Variants in ANKRD55 observed in about 807,000 individuals in gnomAD.
The protein encoded by ANKRD55 is ankyrin repeat domain-containing protein 55.
In ANKRD55, 41 loss-of-function variants were observed where a neutral mutation model predicts 60.6. The observed-to-expected ratio is 0.68, with a 90% confidence interval of 0.53 to 0.88. The LOEUF (loss-of-function observed/expected upper bound fraction) is 0.88, where lower values mean the gene tolerates loss of function less well. ANKRD55 is among the 40% of genes least tolerant of loss of function. The pLI, the probability that ANKRD55 is intolerant of heterozygous loss-of-function variation, is 0.00. For missense variants in ANKRD55, 732 were observed against 767.6 expected, an observed-to-expected ratio of 0.95 and a Z score of 0.55; for synonymous variants, 264 against 290.3, an observed-to-expected ratio of 0.91 and a Z score of 0.92.
intron 7 of ANKRD55, among the ~76,000 whole-genome samples, chr5:56,141,387 C>T (rs1757762218): frequency 6.6e-6 from 1 of 152,038 alleles, no homozygotes; most frequent in African/African-American, 2.4e-5. Context: ...TAGGCACATG[C>T]CATTATGCCC....
At chr5:56,135,293 T>TTCTTTCTTTC (rs1561263978) in intron 7 of ANKRD55, among the ~76,000 whole-genome samples, 1 of 74,144 alleles carries the variant, frequency 1.3e-5, no homozygotes, top group African/African-American at 4.4e-5. Context: ...CCTGCCTGCT[T>TTCTTTCTTTC]GCTTTCTTTC....
Position 56,221,925 on chromosome 5 carries a change from C to T in ANKRD55, c.58+10931G>A, listed in dbSNP as rs550979855. Among the ~76,000 whole-genome samples the T allele has an allele frequency of 2.0e-5, 3 of 152,348 alleles. 1 individual carries two copies. In the South Asian group the frequency reaches 6.2e-4, roughly 32 times the overall value. On this transcript the variant is annotated intron_variant, in intron 2 of 11. Transcript: ENST00000341048. ...GTAGACTCCACCTCTGGGGGCAGGG[C>T]ATAGCTGAACAAAAGGCAGCAGAAA...
chr5:56,142,289 G>A (rs1357687870), intron 7 of ANKRD55, among the ~76,000 whole-genome samples: 1 of 152,056 alleles, frequency 6.6e-6, no homozygotes, highest in African/African-American at 2.4e-5. Context: ...AGCTGAGATC[G>A]CACCACTGCA....
chr5:56,203,965 G>A (rs1252968334), intron 2 of ANKRD55, among the ~76,000 whole-genome samples: 1 of 152,030 alleles, frequency 6.6e-6, no homozygotes, highest in Non-Finnish European at 1.5e-5. Flanking sequence ...GTGTAAAAGT[G>A]TTCCTATTTC....
At chr5:56,181,265 C>T (rs993082814) in intron 3 of ANKRD55, among the ~76,000 whole-genome samples, 1 of 152,190 alleles carries the variant, frequency 6.6e-6, no homozygotes, top group African/African-American at 2.4e-5. Context: ...TGAGAGTGGA[C>T]ATTCACACCT....
Position 56,111,421 on chromosome 5 carries a change from C to T in ANKRD55, c.1327G>A (p.Gly443Ser), listed in dbSNP as rs1561251276. 9 of 1,613,994 alleles carry T rather than the reference C, an allele frequency of 5.6e-6. No homozygotes were observed. Among genetic ancestry groups the T allele is most frequent in the South Asian group, 1.1e-5 (1 of 91,084 alleles). ...TGGGAGGCTGTTAGGAAGTTATTGC[C>T]CAGGGTGATGGGTGGGAGACTCTGC... ...RTQSLPPITL[G>S]NNFLTASHRA... is the part of the protein sequence containing the mutation. The change falls in exon 10 of 12, where the codon GGC becomes AGC. Residue 443 changes from glycine (G) to serine (S), a missense_variant. By Grantham distance (56) the Gly-to-Ser change is moderately conservative. Coordinates refer to ENST00000341048, the MANE Select transcript of ANKRD55 (RefSeq NM_024669.3).
intron 2 of ANKRD55, among the ~76,000 whole-genome samples, chr5:56,200,649 G>A (rs371760100): frequency 6.6e-6 from 1 of 152,240 alleles, no homozygotes; most frequent in Non-Finnish European, 1.5e-5. Context: ...TGACTGCATC[G>A]GTTACTGGGC....
chr5:56,155,210 G>A (rs1019608931), intron 6 of ANKRD55, among the ~76,000 whole-genome samples: 4 of 130,338 alleles, frequency 3.1e-5, no homozygotes, highest in African/African-American at 1.2e-4. Context: ...GTGACAGAGT[G>A]AGACTGTCTT....
At chr5:56,134,829 A>G (rs115250592) in intron 7 of ANKRD55, among the ~76,000 whole-genome samples, 2,144 of 152,306 alleles carry the variant, frequency 0.014, 43 homozygotes, top group Admixed American at 0.041. Flanking sequence ...ACTTTCATAA[A>G]GATAGATGTA....
At chr5:56,145,241 A>G (rs532747518) in intron 6 of ANKRD55, among the ~76,000 whole-genome samples, 9 of 152,316 alleles carry the variant, frequency 5.9e-5, no homozygotes, top group African/African-American at 2.4e-5. Context: ...CTCTTCCCCT[A>G]GGGCACACAG....
chr5:56,186,681 A>G (rs986279021), intron 2 of ANKRD55, among the ~76,000 whole-genome samples: 2 of 152,232 alleles, frequency 1.3e-5, no homozygotes, highest in African/African-American at 4.8e-5. Context: ...ACATGTAGAG[A>G]AAATAGTCTC....
intron 5 of ANKRD55, among the ~76,000 whole-genome samples, chr5:56,167,542 T>G (rs1031947080): frequency 6.6e-6 from 1 of 152,214 alleles, no homozygotes; most frequent in African/African-American, 2.4e-5. Flanking sequence ...ACAATTTTGG[T>G]TTTGGAATAG....
At chr5:56,151,688 C>G (rs1758049865) in intron 6 of ANKRD55, among the ~76,000 whole-genome samples, 1 of 151,846 alleles carries the variant, frequency 6.6e-6, no homozygotes. Context: ...TGGCAGGCAC[C>G]TGTAATCCCA....
intron 2 of ANKRD55, among the ~76,000 whole-genome samples, chr5:56,216,631 A>G (rs1759818277): frequency 6.6e-6 from 1 of 152,242 alleles, no homozygotes; most frequent in Non-Finnish European, 1.5e-5. Flanking sequence ...GCTTTATTGC[A>G]GATATGGAGA....
At chr5:56,117,372 A>C (rs1756913604) in intron 8 of ANKRD55, among the ~76,000 whole-genome samples, 1 of 152,150 alleles carries the variant, frequency 6.6e-6, no homozygotes, top group African/African-American at 2.4e-5. Flanking sequence ...TGTGCTCTTT[A>C]TATTAAAGGC....
chr5:56,221,657 CT>C, intron 2 of ANKRD55, among the ~76,000 whole-genome samples: 1 of 152,250 alleles, frequency 6.6e-6, no homozygotes, highest in South Asian at 2.1e-4. Flanking sequence ...TAATACTGTG[CT>C]TTTCCAACCA....
At chr5:56,168,596 A>G (rs1194252540) in intron 5 of ANKRD55, among the ~76,000 whole-genome samples, 1 of 152,190 alleles carries the variant, frequency 6.6e-6, no homozygotes, top group African/African-American at 2.4e-5. Flanking sequence ...ATAGGTATGT[A>G]TGTAGAGGAA....
At chr5:56,139,296 G>A (rs983420652) in intron 7 of ANKRD55, among the ~76,000 whole-genome samples, 8 of 152,088 alleles carry the variant, frequency 5.3e-5, no homozygotes, top group African/African-American at 1.7e-4. Context: ...AGGGACCTAC[G>A]GTTCACAAAG....
At chr5:56,146,316 G>A (rs150630807) in intron 6 of ANKRD55, among the ~76,000 whole-genome samples, 14 of 148,650 alleles carry the variant, frequency 9.4e-5, no homozygotes, top group Admixed American at 6.7e-5. Context: ...ATGGAGTTTC[G>A]CTCTGTCGCC....
Sources: allele counts gnomAD v4.1 joint callset (sites outside exome capture counted in the v4.1 genomes callset), GRCh38; gene constraint gnomAD v4.1.1; transcripts MANE v1.5; gene names NCBI Gene and HGNC (gene_info 2026-07-23, HGNC 2026-07-21).